The following THEMIS variants were observed in gnomAD, a reference collection of about 807,000 sequenced individuals.
THEMIS encodes the protein protein THEMIS.
THEMIS carries 37 observed loss-of-function variants against 52.6 expected under a neutral mutation model. The observed-to-expected ratio is 0.70, with a 90% CI of 0.54 to 0.93. The LOEUF (loss-of-function observed/expected upper bound fraction) is 0.93, where lower values mean the gene tolerates loss of function less well. THEMIS is among the 40% of genes least tolerant of loss of function. THEMIS has a pLI of 0.00. For synonymous variants in THEMIS, 292 were observed against 272.7 expected (o/e 1.07, Z -0.70); for missense variants, 808 against 763.1 (o/e 1.06, Z -0.69).
intron 1 of THEMIS, among the ~76,000 whole-genome samples, chr6:127,868,259 T>C (rs1434067658): frequency 1.3e-5 from 2 of 152,166 alleles, no homozygotes; most frequent in African/African-American, 4.8e-5. Context: ...TACATGATGT[T>C]TAAGACTGAA....
At chr6:127,855,897 G>T (rs1381533574) in intron 1 of THEMIS, among the ~76,000 whole-genome samples, 2 of 151,906 alleles carry the variant, frequency 1.3e-5, no homozygotes, top group East Asian at 3.9e-4. Context: ...TGGAAGGACA[G>T]TGAGGAGTAA....
chr6:127,756,411 T>C (rs1203043734), intron 4 of THEMIS, among the ~76,000 whole-genome samples: 1 of 152,178 alleles, frequency 6.6e-6, no homozygotes, highest in African/African-American at 2.4e-5. Context: ...TCAAGGTGGC[T>C]GTATACATAT....
At chr6:127,770,789 A>G (rs895060866) in intron 4 of THEMIS, among the ~76,000 whole-genome samples, 6 of 152,084 alleles carry the variant, frequency 3.9e-5, no homozygotes, top group African/African-American at 1.4e-4. Context: ...CTTGAATTAA[A>G]TTTTGTATAA....
chr6:127,769,343 T>G (rs12110553), intron 4 of THEMIS, among the ~76,000 whole-genome samples: 2,590 of 145,246 alleles, frequency 0.018, 81 homozygotes, highest in African/African-American at 0.063. Context: ...AATAGACCAG[T>G]TTTTTTTTGT....
At chr6:127,728,792 C>A (rs1049986524) in intron 4 of THEMIS, among the ~76,000 whole-genome samples, 2 of 151,570 alleles carry the variant, frequency 1.3e-5, no homozygotes, top group Admixed American at 6.6e-5. Context: ...AGAATGAGTT[C>A]AATGGAAAAA....
chr6:127,705,950 C>G (rs1410344164), downstream of THEMIS, among the ~76,000 whole-genome samples: 4 of 152,132 alleles, frequency 2.6e-5, no homozygotes, highest in Non-Finnish European at 5.9e-5. Flanking sequence ...ATGTATTTAT[C>G]TAGATCCTTC....
intron 4 of THEMIS, among the ~76,000 whole-genome samples, chr6:127,762,923 A>G (rs985875962): frequency 2.6e-5 from 4 of 152,050 alleles, no homozygotes; most frequent in Non-Finnish European, 5.9e-5. Flanking sequence ...CATAAAAATC[A>G]AAGAAAGATT....
At chr6:127,699,454 A>G in the THEMIS span, among the ~76,000 whole-genome samples, 1 of 149,674 alleles carries the variant, frequency 6.7e-6, no homozygotes, top group East Asian at 1.9e-4. Context: ...TGAAAAGTAC[A>G]TTGTACATAC....
chr6:127,844,784 A>C (rs1307580666), intron 2 of THEMIS, among the ~76,000 whole-genome samples: 1 of 152,040 alleles, frequency 6.6e-6, no homozygotes, highest in South Asian at 2.1e-4. Context: ...TATGGAGATA[A>C]TGTAATCAAC....
intron 1 of THEMIS, among the ~76,000 whole-genome samples, chr6:127,871,896 TAG>T (rs1422478934): frequency 6.6e-6 from 1 of 152,130 alleles, no homozygotes; most frequent in Non-Finnish European, 1.5e-5. Context: ...TCAACAATTC[TAG>T]ATAATCTCTT....
intron 5 of THEMIS, among the ~76,000 whole-genome samples, chr6:127,715,877 A>T (rs1352516896): frequency 1.3e-5 from 2 of 151,892 alleles, no homozygotes; most frequent in Non-Finnish European, 2.9e-5. Flanking sequence ...ATTATCTGGT[A>T]TACCCACTAT....
chr6:127,860,180 T>C (rs2114327209), intron 1 of THEMIS, among the ~76,000 whole-genome samples: 1 of 152,306 alleles, frequency 6.6e-6, no homozygotes, highest in South Asian at 2.1e-4. Context: ...CTGCATTTCC[T>C]GTAAGGCAGA....
At chr6:127,793,323 C>A (rs971447049) in intron 4 of THEMIS, among the ~76,000 whole-genome samples, 1 of 152,122 alleles carries the variant, frequency 6.6e-6, no homozygotes, top group Non-Finnish European at 1.5e-5. Flanking sequence ...TGGTGGGGAA[C>A]CTCCATGTGC....
intron 4 of THEMIS, among the ~76,000 whole-genome samples, chr6:127,759,940 A>G (rs2114381192): frequency 6.6e-6 from 1 of 150,860 alleles, no homozygotes; most frequent in Non-Finnish European, 1.5e-5. Flanking sequence ...GGGTAACCAA[A>G]GGGATCATTC....
At chr6:127,794,788 C>G (rs1310069933) in intron 4 of THEMIS, among the ~76,000 whole-genome samples, 1 of 152,172 alleles carries the variant, frequency 6.6e-6, no homozygotes, top group Admixed American at 6.5e-5. Context: ...AACTCTTAGT[C>G]CTTACCTCTT....
Position 127,799,530 on chromosome 6 carries a change from TC to T in THEMIS, c.1758+13352del, listed in dbSNP as rs1311993971. On this transcript the variant is annotated intron_variant, in intron 4 of 5. Transcript: ENST00000368248. Reference sequence around the variant, plus strand: ...TTGGTAATCTTTCTTTCTTTCTTTCTCTTTCTTTCTTTCTTTCTTTCTATCT... The same window carrying T: ...TTGGTAATCTTTCTTTCTTTCTTTCTTTTCTTTCTTTCTTTCTTTCTATCT... Among the ~76,000 whole-genome samples, 188 of 73,224 alleles carry T rather than the reference TC, an allele frequency of 2.6e-3. 1 individual carries two copies. Among genetic ancestry groups the T allele is most frequent in the African/African-American group, 6.3e-3 (176 of 28,098 alleles). The allele number at this position is 73,224 out of a possible 152,430, so 48.0% of individuals were successfully genotyped here. A position where few individuals can be genotyped will look rare whatever the true frequency, so the allele number is the denominator to read the frequency against.
chr6:127,837,361 T>C lies in THEMIS; in HGVS notation c.251-7427A>G, dbSNP rs1332264350. Among the ~76,000 whole-genome samples the C allele has an allele frequency of 2.6e-5, 4 of 152,090 alleles. No homozygotes were observed. In the East Asian group the frequency reaches 5.8e-4, roughly 22 times the overall value. On this transcript the variant is annotated intron_variant, in intron 2 of 5. Transcript: ENST00000368248. ...CCCCCCCAAAATTTTTAAAAGATAA[T>C]AATAATGAGAAAAACAATATTAACA...
chr6:127,855,431 G>T (rs1034760454), intron 1 of THEMIS, among the ~76,000 whole-genome samples: 17 of 151,958 alleles, frequency 1.1e-4, no homozygotes, highest in Admixed American at 1.1e-3. Context: ...TTGAATTTAT[G>T]ATTTCCTCAG....
In THEMIS at chr6:127,910,408, G is replaced by T. The variant is rs1781382072; in HGVS notation, c.-150+8020C>A. On this transcript the variant is annotated intron_variant, in intron 1 of 6. Coordinates refer to the THEMIS transcript ENST00000368250. Reference sequence around the variant, plus strand: ...GGGAAGAAAATTCTTGCTATAAACAGTTACAATCTCATTACGTAAGTATTG... The same window carrying T: ...GGGAAGAAAATTCTTGCTATAAACATTTACAATCTCATTACGTAAGTATTG... Among the ~76,000 whole-genome samples, 5 of 152,124 alleles carry T rather than the reference G, an allele frequency of 3.3e-5. No individual in the cohort carries two copies. The South Asian group carries it at 1.0e-3, about 32-fold the overall frequency.
Sources: allele counts gnomAD v4.1 joint callset (sites outside exome capture counted in the v4.1 genomes callset), GRCh38; gene constraint gnomAD v4.1.1; transcripts MANE v1.5; gene names NCBI Gene and HGNC (gene_info 2026-07-23, HGNC 2026-07-21).